SPOCK2: variants seen among roughly 807,000 people sequenced by gnomAD.
The protein encoded by SPOCK2 is SPARC (osteonectin), cwcv and kazal like domains proteoglycan 2.
A neutral mutation model predicts 60.1 loss-of-function variants in SPOCK2; 39 were observed. That is an observed-to-expected ratio of 0.65 (90% CI 0.50 to 0.85). SPOCK2 has a LOEUF of 0.85. Among genes scored for constraint, SPOCK2 ranks in the 40% least tolerant of loss-of-function variants. SPOCK2 has a pLI of 0.00. For synonymous variants in SPOCK2, 217 were observed against 231.5 expected, an observed-to-expected ratio of 0.94 and a Z score of 0.57; for missense variants, 523 against 567.4, an observed-to-expected ratio of 0.92 and a Z score of 0.80.
rs367686910 is a variant in SPOCK2 at position 72,065,451 on chromosome 10, C to G, written c.929-1211G>C. ...ACCTGGGAGCAATGGGCCAGGTGCA[C>G]AGGAGGCCGCACCACCAAGGTCTGT... On this transcript the variant is annotated intron_variant, in intron 8 of 10. Coordinates refer to ENST00000373109, the MANE Select transcript of SPOCK2 (RefSeq NM_001244950.2). 1.6e-3 allele frequency among the ~76,000 whole-genome samples: 243 copies of G among 152,358 alleles called. 7 individuals are homozygous for G. The South Asian group carries it at 0.049, about 31-fold the overall frequency.
chr10:72,077,302 G>GT (rs955533551), intron 1 of SPOCK2, among the ~76,000 whole-genome samples: 2 of 151,778 alleles, frequency 1.3e-5, no homozygotes, highest in African/African-American at 4.8e-5. Context: ...TATTGTGGTG[G>GT]TTTTTTTCAT....
intron 1 of SPOCK2, among the ~76,000 whole-genome samples, chr10:72,083,095 C>T (rs1160849148): frequency 1.3e-5 from 2 of 152,176 alleles, no homozygotes; most frequent in African/African-American, 2.4e-5. Context: ...ATACGTGTGT[C>T]CTCAGCCTGG....
At chr10:72,083,339 AG>A (rs1172544007) in intron 1 of SPOCK2, among the ~76,000 whole-genome samples, 2 of 152,216 alleles carry the variant, frequency 1.3e-5, no homozygotes, top group African/African-American at 2.4e-5. Flanking sequence ...AGCATGCTAA[AG>A]CCTCTGCAGA....
In SPOCK2 at chr10:72,069,468, C is replaced by CTTT. The variant is rs869082110; in HGVS notation, c.474+841_474+843dup. ...TATCAGCACCTGCATTTCTATGTTA[C>CTTT]TTTTTTTTTTTTTTTTTTGGAGACA... On this transcript the variant is annotated intron_variant, in intron 5 of 10. Transcript: ENST00000373109. Among the ~76,000 whole-genome samples, 7 of 138,598 alleles carry CTTT rather than the reference C, an allele frequency of 5.1e-5. No homozygotes were observed. In the East Asian group the frequency reaches 1.3e-3, roughly 25 times the overall value. 90.9% of individuals were successfully genotyped at this position (138,598 alleles called of 152,430 possible). A position where few individuals can be genotyped will look rare whatever the true frequency, so the allele number is the denominator to read the frequency against.
intron 5 of SPOCK2, 138 bp downstream of exon 5, chr10:72,070,174 T>C (rs1371151261): frequency 1.3e-6 from 1 of 742,506 alleles, no homozygotes; most frequent in Non-Finnish European, 2.2e-6. Context: ...GCTGGCTGCA[T>C]TGAACACACT....
chr10:72,088,999 G>GTGGCTTCGT (rs1408112082), upstream of SPOCK2: 1 of 152,320 alleles, frequency 6.6e-6, no homozygotes, highest in Non-Finnish European at 1.5e-5. Context: ...ACCGTAATGG[G>GTGGCTTCGT]TGGCTTCGTT....
In SPOCK2 at chr10:72,060,443, C is replaced by G. The variant is rs1840476210; in HGVS notation, c.*2317G>C. Reference sequence around the variant, plus strand: ...GTGACATCAAGAGGACAGGGGACACCCTTCCTCTGAACTCCTTCCTTCCCC... The same window carrying G: ...GTGACATCAAGAGGACAGGGGACACGCTTCCTCTGAACTCCTTCCTTCCCC... On this transcript the variant is annotated 3_prime_UTR_variant, in exon 11 of 11. Coordinates refer to ENST00000373109, the MANE Select transcript of SPOCK2 (RefSeq NM_001244950.2). 1 of 152,154 alleles carries G rather than the reference C, an allele frequency of 6.6e-6. No individual in the cohort carries two copies. The highest frequency in any genetic ancestry group is 2.4e-5 in the African/African-American group (1 of 41,370). The allele number at this position is 152,154 out of a possible 1,614,324, so 9.4% of individuals were successfully genotyped here.
At chr10:72,069,464 G>A (rs1192607364) in intron 5 of SPOCK2, among the ~76,000 whole-genome samples, 1 of 147,148 alleles carries the variant, frequency 6.8e-6, no homozygotes. Flanking sequence ...GCATTTCTAT[G>A]TTACTTTTTT....
intron 1 of SPOCK2, among the ~76,000 whole-genome samples, chr10:72,076,216 T>C (rs1415053905): frequency 1.3e-5 from 2 of 151,810 alleles, no homozygotes; most frequent in Non-Finnish European, 2.9e-5. Context: ...AGCTGGGGAG[T>C]GGCCACTCTG....
intron 1 of SPOCK2, among the ~76,000 whole-genome samples, chr10:72,076,514 C>T (rs1020850555): frequency 6.6e-6 from 1 of 152,128 alleles, no homozygotes; most frequent in Non-Finnish European, 1.5e-5. Flanking sequence ...TGGAAGAGCT[C>T]GTGGCTTGTA....
intron 5 of SPOCK2, chr10:72,068,922 A>T (rs1187017358): frequency 1.3e-5 from 2 of 152,424 alleles, no homozygotes. Context: ...GCGGGTCATC[A>T]CAGCGCTCGA....
intron 1 of SPOCK2, among the ~76,000 whole-genome samples, chr10:72,078,690 A>G (rs1441144421): frequency 6.6e-6 from 1 of 152,244 alleles, no homozygotes; most frequent in East Asian, 1.9e-4. Flanking sequence ...AGGTTCCAGC[A>G]TGGCCAAACC....
chr10:72,087,131 C>A lies in SPOCK2; in HGVS notation c.189+1009G>T, dbSNP rs1378115983. 9 of 942,352 alleles carry A rather than the reference C, an allele frequency of 9.6e-6. No individual in the cohort carries two copies. The highest frequency in any genetic ancestry group is 1.7e-5 in the African/African-American group (1 of 58,732). The allele number at this position is 942,352 out of a possible 1,614,324, so 58.4% of individuals were successfully genotyped here. On this transcript the variant is annotated intron_variant, in intron 1 of 10. Transcript: ENST00000373109. The surrounding 1 kb of genome is among the most constrained non-coding windows in gnomAD (Gnocchi z 4.7). ...CATCCCCCACAGCACCCCCAACGAT[C>A]TCGGGGTCCAGCCACACCCTCCGCC...
At chr10:72,073,886 C>T (rs148169077) in intron 1 of SPOCK2, among the ~76,000 whole-genome samples, 74 of 152,342 alleles carry the variant, frequency 4.9e-4, no homozygotes, top group African/African-American at 1.7e-3. Flanking sequence ...ACCTAACAGT[C>T]CCAGGGCACT....
Position 72,088,253 on chromosome 10 carries a change from C to T in SPOCK2, c.76G>A (p.Ala26Thr). ...LAAAALAEGD[A>T]KGLKEGETPG... ...GTCTCGCCCTCCTTGAGCCCCTTGG[C>T]GTCGCCTTCGGCCAGGGCTGCCGCG... is the stretch of plus-strand genomic sequence containing the variant. The change falls in exon 1 of 11, where the codon GCC (alanine) becomes ACC (threonine). Residue 26 changes from alanine to threonine, a missense_variant. Physicochemically the swap from Ala to Thr is moderately conservative, Grantham distance 58 (BLOSUM62 0). Transcript: ENST00000373109. The T allele has an allele frequency of 6.2e-7, 1 of 1,609,816 alleles. No individual in the cohort carries two copies. The highest frequency in any genetic ancestry group is 8.5e-7 in the Non-Finnish European group (1 of 1,179,130).
At chr10:72,082,368 G>A (rs1840797010) in intron 1 of SPOCK2, among the ~76,000 whole-genome samples, 1 of 152,234 alleles carries the variant, frequency 6.6e-6, no homozygotes, top group Non-Finnish European at 1.5e-5. Context: ...ACGGCTCTTA[G>A]AAGACCCACA....
chr10:72,084,365 C>T (rs927100106), intron 1 of SPOCK2, among the ~76,000 whole-genome samples: 4 of 152,210 alleles, frequency 2.6e-5, no homozygotes, highest in Non-Finnish European at 5.9e-5. Flanking sequence ...ATCCTGGGGC[C>T]AGTCAGCGGC....
intron 1 of SPOCK2, among the ~76,000 whole-genome samples, chr10:72,081,419 C>A (rs1840782345): frequency 6.6e-6 from 1 of 152,244 alleles, no homozygotes; most frequent in African/African-American, 2.4e-5. Context: ...TACAGGGCAG[C>A]CTTGACCGAC....
chr10:72,081,443 G>A (rs1321650646), intron 1 of SPOCK2, among the ~76,000 whole-genome samples: 1 of 152,238 alleles, frequency 6.6e-6, no homozygotes, highest in Non-Finnish European at 1.5e-5. Flanking sequence ...CAGGTGTTGG[G>A]GAAGACAGCA....
Sources: allele counts gnomAD v4.1 joint callset (sites outside exome capture counted in the v4.1 genomes callset), GRCh38; gene constraint gnomAD v4.1.1; non-coding constraint Gnocchi (gnomAD v3.1); transcripts MANE v1.5; gene names NCBI Gene and HGNC (gene_info 2026-07-23, HGNC 2026-07-21).